Variants in KCTD16 observed in about 807,000 individuals in gnomAD.
KCTD16 encodes the protein potassium channel tetramerization domain containing 16, also known as BTB/POZ domain-containing protein KCTD16.
A neutral mutation model predicts 33.2 loss-of-function variants in KCTD16; 13 were observed. The ratio of observed to expected loss-of-function variants is 0.39; its 90% CI spans 0.25 to 0.62. The LOEUF (loss-of-function observed/expected upper bound fraction) is 0.62, where lower values mean the gene tolerates loss of function less well. Ranked by LOEUF, KCTD16 falls within the 20% of genes least tolerant of loss-of-function variation. KCTD16 has a pLI of 0.50. For missense variants in KCTD16, 441 were observed against 525.1 expected (o/e 0.84, Z 1.57); for synonymous variants, 197 against 195.3 (o/e 1.01, Z -0.07).
intron 3 of KCTD16, among the ~76,000 whole-genome samples, chr5:144,245,572 C>A (rs1249969062): frequency 1.3e-5 from 2 of 152,120 alleles, no homozygotes; most frequent in African/African-American, 4.8e-5. Context: ...TGGTTTGGAT[C>A]TGTGTCCCCA....
intron 3 of KCTD16, among the ~76,000 whole-genome samples, chr5:144,395,033 G>T (rs2126941421): frequency 6.6e-6 from 1 of 152,290 alleles, no homozygotes; most frequent in South Asian, 2.1e-4. Flanking sequence ...ATATCACCTG[G>T]CAACCTGTTA....
chr5:144,303,734 A>G lies in KCTD16; in HGVS notation c.832+96188A>G, dbSNP rs144547883. ...AATGAGGAGATCCAGGTTGGGGCTC[A>G]GGCTCTCCAGTAAGTGGCTCTGTGA... On this transcript the variant is annotated intron_variant, in intron 3 of 3. Transcript: ENST00000512467. Among the ~76,000 whole-genome samples the G allele has an allele frequency of 1.0e-3, 159 of 152,304 alleles. 1 individual carries two copies. Among genetic ancestry groups the G allele is most frequent in the African/African-American group, 3.5e-3 (147 of 41,580 alleles).
chr5:144,219,404 G>C (rs1001932655), intron 3 of KCTD16, among the ~76,000 whole-genome samples: 2 of 151,372 alleles, frequency 1.3e-5, no homozygotes, highest in African/African-American at 4.8e-5. Context: ...AGTAGAGACA[G>C]GGTTTTGCCA....
At chr5:144,211,753 A>G (rs932527097) in intron 3 of KCTD16, among the ~76,000 whole-genome samples, 6 of 152,164 alleles carry the variant, frequency 3.9e-5, no homozygotes, top group African/African-American at 1.4e-4. Context: ...TGGCACATTC[A>G]AAGTGAAACA....
At chr5:144,306,942 T>A (rs565905975) in intron 3 of KCTD16, among the ~76,000 whole-genome samples, 1 of 152,344 alleles carries the variant, frequency 6.6e-6, no homozygotes, top group South Asian at 2.1e-4. Context: ...TTCTCTCTCC[T>A]CTGATCTCAT....
At position 144,474,215 on chromosome 5, in the gene KCTD16, A is replaced by G; in HGVS notation, c.*101A>G. On this transcript the variant is annotated 3_prime_UTR_variant, in exon 4 of 4. Coordinates refer to ENST00000512467, the MANE Select transcript of KCTD16 (RefSeq NM_020768.4). ...AGGAAAAAAATACAACTAATGATGC[A>G]CATTTCTTAGAACACAATAGTCCAT... 1.1e-6 allele frequency: 1 copy of G among 903,878 alleles called. No homozygotes were observed. Among genetic ancestry groups the G allele is most frequent in the South Asian group, 1.8e-5 (1 of 56,596 alleles). The allele number at this position is 903,878 out of a possible 1,614,324, so 56.0% of individuals were successfully genotyped here.
At chr5:144,257,616 G>A (rs1166321534) in intron 3 of KCTD16, among the ~76,000 whole-genome samples, 1 of 151,848 alleles carries the variant, frequency 6.6e-6, no homozygotes, top group African/African-American at 2.4e-5. Flanking sequence ...AGCCTCCCGA[G>A]TAGCTGGGAC....
At chr5:144,337,487 G>A (rs180887847) in intron 3 of KCTD16, among the ~76,000 whole-genome samples, 12 of 152,164 alleles carry the variant, frequency 7.9e-5, no homozygotes, top group Non-Finnish European at 1.5e-4. Flanking sequence ...ATGATTGGTA[G>A]GAAGCATAAA....
chr5:144,342,832 A>T (rs1333233177), intron 3 of KCTD16, among the ~76,000 whole-genome samples: 1 of 152,184 alleles, frequency 6.6e-6, no homozygotes. Flanking sequence ...ATCTATTGAG[A>T]TAATCATGTG....
chr5:144,327,023 G>A (rs1039514608), intron 3 of KCTD16, among the ~76,000 whole-genome samples: 2 of 152,084 alleles, frequency 1.3e-5, no homozygotes, highest in Admixed American at 6.6e-5. Flanking sequence ...GATAGAGTGC[G>A]GGAACTAAAC....
chr5:144,365,662 G>A (rs1005326892), intron 3 of KCTD16, among the ~76,000 whole-genome samples: 5 of 152,216 alleles, frequency 3.3e-5, no homozygotes, highest in African/African-American at 9.6e-5. Flanking sequence ...AGTGGGATGT[G>A]AATAGCAATT....
At chr5:144,278,500 T>C (rs1315893108) in intron 3 of KCTD16, among the ~76,000 whole-genome samples, 3 of 140,406 alleles carry the variant, frequency 2.1e-5, no homozygotes, top group Non-Finnish European at 3.1e-5. Context: ...TTTTTTTTTT[T>C]TTTTTTTTGA....
At chr5:144,463,371 A>G (rs949841028) in intron 3 of KCTD16, among the ~76,000 whole-genome samples, 8 of 152,234 alleles carry the variant, frequency 5.3e-5, no homozygotes, top group African/African-American at 1.9e-4. Context: ...AATATTAAAC[A>G]TGCCAATGTA....
At chr5:144,282,221 T>C (rs151268032) in intron 3 of KCTD16, among the ~76,000 whole-genome samples, 5 of 152,188 alleles carry the variant, frequency 3.3e-5, no homozygotes, top group Non-Finnish European at 7.4e-5. Flanking sequence ...TAATTAATTA[T>C]GTCTATGTAA....
chr5:144,265,363 C>A (rs537357672), intron 3 of KCTD16, among the ~76,000 whole-genome samples: 1 of 152,256 alleles, frequency 6.6e-6, no homozygotes, highest in South Asian at 2.1e-4. Flanking sequence ...TTTTCATCTC[C>A]CTCTCTAAGG....
chr5:144,434,090 G>A (rs1187871295), intron 3 of KCTD16, among the ~76,000 whole-genome samples: 3 of 152,126 alleles, frequency 2.0e-5, no homozygotes, highest in Non-Finnish European at 2.9e-5. Context: ...TTTCTTCAAT[G>A]AAACTAAAGG....
chr5:144,412,940 T>C (rs996689381), intron 3 of KCTD16, among the ~76,000 whole-genome samples: 11 of 152,172 alleles, frequency 7.2e-5, no homozygotes, highest in African/African-American at 2.4e-4. Context: ...TAGGGTGATA[T>C]AGTTTATAAT....
rs1056637088 is a variant in KCTD16, at chr5:144,189,351, C to T, written c.-327+14879C>T. On this transcript the variant is annotated intron_variant, in intron 2 of 3. Coordinates refer to ENST00000512467, the MANE Select transcript of KCTD16 (RefSeq NM_020768.4). ...ACTAAAAATACAGTAACAAAATTAG[C>T]CGGGTGTGGTGGCGGGCGCCTGTAG... 2.0e-5 allele frequency among the ~76,000 whole-genome samples: 3 copies of T among 151,930 alleles called. No homozygotes were observed. The East Asian group carries it at 5.8e-4, about 29-fold the overall frequency.
In KCTD16 at chr5:144,218,719, G is replaced by A. The variant is rs2546531; in HGVS notation, c.832+11173G>A. Among the ~76,000 whole-genome samples, 28 of 151,966 alleles carry A rather than the reference G, an allele frequency of 1.8e-4. No homozygotes were observed. The South Asian group carries it at 5.0e-3, about 27-fold the overall frequency. On this transcript the variant is annotated intron_variant, in intron 3 of 3. Coordinates refer to ENST00000512467, the MANE Select transcript of KCTD16 (RefSeq NM_020768.4). Reference sequence around the variant, plus strand: ...TCAAAATGGTATATACCATTATTATGATTTTAACTTTAACTAAACATTGCT... The same window carrying A: ...TCAAAATGGTATATACCATTATTATAATTTTAACTTTAACTAAACATTGCT...
Sources: allele counts gnomAD v4.1 joint callset (sites outside exome capture counted in the v4.1 genomes callset), GRCh38; gene constraint gnomAD v4.1.1; transcripts MANE v1.5; gene names NCBI Gene and HGNC (gene_info 2026-07-23, HGNC 2026-07-21).